YWHAQ: variants seen among roughly 807,000 people sequenced by gnomAD.
YWHAQ encodes the protein 14-3-3 protein theta.
YWHAQ carries 6 observed loss-of-function variants against 28.3 expected under a neutral mutation model. That is an observed-to-expected ratio of 0.21 (90% confidence interval 0.12 to 0.42). YWHAQ has a LOEUF of 0.42. Ranked by LOEUF, YWHAQ falls within the 10% of genes least tolerant of loss-of-function variation. YWHAQ has a pLI of 1.00. For missense variants in YWHAQ, 201 were observed against 305.6 expected (o/e 0.66, Z 2.55); for synonymous variants, 143 against 119.1 (o/e 1.20, Z -1.31).
At chr2:9,587,377 TGAAAA>T in intron 5 of YWHAQ, 32 bp downstream of exon 5, 1 of 1,562,520 alleles carries the variant, frequency 6.4e-7, no homozygotes, top group Non-Finnish European at 8.7e-7. Flanking sequence ...CTTTTGTTTC[TGAAAA>T]GAAAATAAAA....
chr2:9,627,739 A>G (rs1266319308), intron 2 of YWHAQ, among the ~76,000 whole-genome samples: 1 of 152,162 alleles, frequency 6.6e-6, no homozygotes, highest in Admixed American at 6.5e-5. Context: ...CCAATCTTCT[A>G]TAAATGATGA....
At chr2:9,593,411 G>T (rs1212184910) in intron 2 of YWHAQ, among the ~76,000 whole-genome samples, 1 of 152,026 alleles carries the variant, frequency 6.6e-6, no homozygotes, top group Non-Finnish European at 1.5e-5. Context: ...GTTTCACCAT[G>T]TTGACCAGGC....
At chr2:9,626,776 A>G (rs1667255570) in intron 2 of YWHAQ, among the ~76,000 whole-genome samples, 1 of 152,198 alleles carries the variant, frequency 6.6e-6, no homozygotes, top group Non-Finnish European at 1.5e-5. Flanking sequence ...GCCAACACTC[A>G]GTAAGATCAC....
chr2:9,612,842 G>C (rs970508171), intron 2 of YWHAQ, among the ~76,000 whole-genome samples: 3 of 152,198 alleles, frequency 2.0e-5, no homozygotes, highest in East Asian at 1.9e-4. Context: ...AGCACTATTA[G>C]AGTGACTGGT....
chr2:9,603,917 T>A (rs140665664), intron 2 of YWHAQ, among the ~76,000 whole-genome samples: 20 of 152,146 alleles, frequency 1.3e-4, no homozygotes, highest in African/African-American at 4.8e-4. Context: ...AGAGTGACAC[T>A]CCATCTCAAC....
intron 2 of YWHAQ, among the ~76,000 whole-genome samples, chr2:9,610,160 CTAGAA>C (rs1666916172): frequency 6.6e-6 from 1 of 152,272 alleles, no homozygotes; most frequent in Non-Finnish European, 1.5e-5. Context: ...AAATGTTTCA[CTAGAA>C]TAATCAAGGA....
At chr2:9,629,671 CTCT>C (rs1223318386) in intron 2 of YWHAQ, among the ~76,000 whole-genome samples, 3 of 152,214 alleles carry the variant, frequency 2.0e-5, no homozygotes, top group Admixed American at 6.5e-5. Context: ...ACAACAGATA[CTCT>C]TACTTGAAAA....
chr2:9,591,599 G>T, intron 2 of YWHAQ, 84 bp from the exon 3 acceptor site: 1 of 1,495,426 alleles, frequency 6.7e-7, no homozygotes, highest in Non-Finnish European at 9.0e-7. Context: ...CTGCCTAGCG[G>T]GCATTTCAAT....
intron 2 of YWHAQ, among the ~76,000 whole-genome samples, chr2:9,597,860 C>T (rs1457244948): frequency 6.6e-6 from 1 of 151,166 alleles, no homozygotes; most frequent in Non-Finnish European, 1.5e-5. Flanking sequence ...TGCGATCTCG[C>T]CCAGGCTGGA....
chr2:9,594,069 G>A (rs1173964571), intron 2 of YWHAQ, among the ~76,000 whole-genome samples: 1 of 151,816 alleles, frequency 6.6e-6, no homozygotes, highest in Non-Finnish European at 1.5e-5. Context: ...TAGAAGTCAT[G>A]AGTATCAAAA....
At chr2:9,590,062 C>T (rs1300351387) in intron 3 of YWHAQ, among the ~76,000 whole-genome samples, 2 of 152,168 alleles carry the variant, frequency 1.3e-5, no homozygotes, top group Admixed American at 6.5e-5. Flanking sequence ...TTAGGAAGCA[C>T]CAGTGTCTCA....
rs1032460862 is a variant in YWHAQ, at chr2:9,630,561, A to T, written c.-82-27T>A. 8.5e-5 allele frequency: 98 copies of T among 1,152,062 alleles called. No individual in the cohort carries two copies. The highest frequency in any genetic ancestry group is 1.1e-4 in the Non-Finnish European group (93 of 844,832). The allele number at this position is 1,152,062 out of a possible 1,614,324, so 71.4% of individuals were successfully genotyped here. ...TGCGGAGGGGCGGGGCGGCGAGGCG[A>T]GAACAAAAAGCAGAGAGGGAGCGCC... On this transcript the variant is annotated intron_variant, in intron 1 of 5. Coordinates refer to ENST00000238081, the MANE Select transcript of YWHAQ (RefSeq NM_006826.4). This position sits in a 1 kb window ranked among gnomAD's most constrained non-coding sequence, Gnocchi z 5.6.
chr2:9,619,605 T>C (rs577595657), intron 2 of YWHAQ, among the ~76,000 whole-genome samples: 34 of 152,124 alleles, frequency 2.2e-4, no homozygotes, highest in African/African-American at 5.8e-4. Flanking sequence ...ATTAAAAATA[T>C]ATTAAAAATT....
At chr2:9,586,074 A>G (rs1319212861) in intron 5 of YWHAQ, among the ~76,000 whole-genome samples, 1 of 152,218 alleles carries the variant, frequency 6.6e-6, no homozygotes, top group Non-Finnish European at 1.5e-5. Flanking sequence ...AGGGAGGAAA[A>G]AGCCACAATC....
At chr2:9,591,585 ACTT>A in intron 2 of YWHAQ, 70 bp from the exon 3 acceptor site, 4 of 1,524,544 alleles carry the variant, frequency 2.6e-6, no homozygotes, top group Non-Finnish European at 3.5e-6. Context: ...AAATGATAAA[ACTT>A]CTGCCTAGCG....
intron 2 of YWHAQ, among the ~76,000 whole-genome samples, chr2:9,606,537 G>GTA (rs905018505): frequency 5.3e-5 from 8 of 152,134 alleles, no homozygotes; most frequent in Non-Finnish European, 8.8e-5. Flanking sequence ...GTGTGTGTGT[G>GTA]TATATTTTTT....
intron 2 of YWHAQ, among the ~76,000 whole-genome samples, chr2:9,621,970 A>G (rs1367906544): frequency 6.6e-6 from 1 of 152,160 alleles, no homozygotes; most frequent in Non-Finnish European, 1.5e-5. Context: ...TTCACTTACA[A>G]GTGGGAGTTG....
At chr2:9,622,157 A>T (rs1440243423) in intron 2 of YWHAQ, among the ~76,000 whole-genome samples, 1 of 151,822 alleles carries the variant, frequency 6.6e-6, no homozygotes, top group East Asian at 1.9e-4. Flanking sequence ...CACGTCCTGC[A>T]CTTGTATCCC....
In YWHAQ at chr2:9,630,501, G is replaced by C. The variant is rs764174434; in HGVS notation, c.-49C>G. On this transcript the variant is annotated 5_prime_UTR_variant, in exon 2 of 6. Transcript: ENST00000238081. The surrounding 1 kb of genome is among the most constrained non-coding windows in gnomAD (Gnocchi z 5.6). ...GGCGGAGGGCGAGGAGAGCGAGGGC[G>C]AGCGCCGACCCGCAGCGGGAGGAGC... 6.7e-7 allele frequency: 1 copy of C among 1,493,370 alleles called. No homozygotes were observed. The highest frequency in any genetic ancestry group is 8.9e-7 in the Non-Finnish European group (1 of 1,122,958). 92.5% of individuals were successfully genotyped at this position (1,493,370 alleles called of 1,614,324 possible). A position where few individuals can be genotyped will look rare whatever the true frequency, so the allele number is the denominator to read the frequency against.
Sources: gnomAD v4.1 joint callset for allele counts (sites outside exome capture counted in the v4.1 genomes callset) on GRCh38, gnomAD v4.1.1 for gene constraint, Gnocchi (gnomAD v3.1) non-coding constraint, MANE v1.5 for transcripts, NCBI Gene and HGNC (gene_info 2026-07-23, HGNC 2026-07-21) for gene names.